Variants in LDLRAD4 observed in about 807,000 individuals in gnomAD.
The protein encoded by LDLRAD4 is low density lipoprotein receptor class A domain containing 4, also known as low-density lipoprotein receptor class A domain-containing protein 4.
LDLRAD4 carries 5 observed loss-of-function variants against 17.0 expected under a neutral mutation model. That is an observed-to-expected ratio of 0.29 (90% confidence interval 0.15 to 0.62). The LOEUF is 0.62. Ranked by LOEUF, LDLRAD4 falls within the 20% of genes least tolerant of loss-of-function variation. The probability of loss-of-function intolerance (pLI) is 0.84; values close to 1 mark genes in which losing one functional copy is unlikely to be tolerated. For synonymous variants in LDLRAD4, 168 were observed against 171.8 expected (o/e 0.98, Z 0.17); for missense variants, 340 against 424.7 (o/e 0.80, Z 1.75).
intron 3 of LDLRAD4, among the ~76,000 whole-genome samples, chr18:13,551,099 G>A (rs1170047665): frequency 1.3e-5 from 2 of 152,042 alleles, no homozygotes; most frequent in East Asian, 1.9e-4. Flanking sequence ...ACACCCCTAC[G>A]GCCAGTGCCA....
intron 3 of LDLRAD4, among the ~76,000 whole-genome samples, chr18:13,566,521 C>T (rs901100330): frequency 2.0e-5 from 3 of 152,074 alleles, no homozygotes; most frequent in Admixed American, 1.3e-4. Flanking sequence ...TGCCACCACG[C>T]CCGGCTGATC....
intron 3 of LDLRAD4, among the ~76,000 whole-genome samples, chr18:13,610,932 G>T (rs183326930): frequency 6.6e-6 from 1 of 152,148 alleles, no homozygotes; most frequent in African/African-American, 2.4e-5. Flanking sequence ...CATACCATCC[G>T]GATTTCCCTC....
chr18:13,537,086 C>T (rs983172723), intron 3 of LDLRAD4, among the ~76,000 whole-genome samples: 2 of 152,090 alleles, frequency 1.3e-5, no homozygotes, highest in Non-Finnish European at 2.9e-5. Flanking sequence ...GTTGTCTTCT[C>T]TTTCTTATGA....
At chr18:13,527,078 T>A (rs1250840162) in intron 3 of LDLRAD4, among the ~76,000 whole-genome samples, 1 of 152,248 alleles carries the variant, frequency 6.6e-6, no homozygotes, top group Non-Finnish European at 1.5e-5. Flanking sequence ...CGTTGGGCAG[T>A]GATGCTGACT....
intron 3 of LDLRAD4, among the ~76,000 whole-genome samples, chr18:13,514,154 GGGC>G (rs2093826749): frequency 6.6e-6 from 1 of 152,098 alleles, no homozygotes; most frequent in African/African-American, 2.4e-5. Flanking sequence ...TCCATAATAG[GGGC>G]CCACCCATTT....
chr18:13,448,965 C>G (rs928151887), intron 3 of LDLRAD4, among the ~76,000 whole-genome samples: 6 of 152,112 alleles, frequency 3.9e-5, no homozygotes, highest in African/African-American at 1.4e-4. Context: ...GAAAGAAACC[C>G]CAACAACCTA....
intron 3 of LDLRAD4, among the ~76,000 whole-genome samples, chr18:13,554,966 C>T (rs143144095): frequency 6.3e-4 from 96 of 152,260 alleles, no homozygotes; most frequent in African/African-American, 2.1e-3. Context: ...TATAATGTGC[C>T]GGAAGTGACA....
chr18:13,604,962 C>A (rs1207147208), intron 3 of LDLRAD4, among the ~76,000 whole-genome samples: 3 of 152,134 alleles, frequency 2.0e-5, no homozygotes, highest in Admixed American at 1.3e-4. Flanking sequence ...AGGGCCAGGA[C>A]CCTTCCTGGC....
chr18:13,558,611 C>T (rs764839610), intron 3 of LDLRAD4, among the ~76,000 whole-genome samples: 5 of 152,152 alleles, frequency 3.3e-5, no homozygotes, highest in Non-Finnish European at 7.3e-5. Context: ...ATGGCTCAGT[C>T]GTAAATGTTT....
At chr18:13,298,164 G>C (rs1203726126) in intron 1 of LDLRAD4, among the ~76,000 whole-genome samples, 1 of 152,338 alleles carries the variant, frequency 6.6e-6, no homozygotes, top group Middle Eastern at 3.4e-3. Flanking sequence ...ACAAGCTGGG[G>C]GTGGGGATCA....
intron 1 of LDLRAD4, among the ~76,000 whole-genome samples, chr18:13,238,168 G>C (rs908927542): frequency 2.0e-5 from 3 of 152,192 alleles, no homozygotes; most frequent in Admixed American, 6.5e-5. Context: ...CAAGTCTGGA[G>C]GGCATGAGAT....
chr18:13,521,071 A>G (rs1462256434), intron 3 of LDLRAD4: 1 of 152,232 alleles, frequency 6.6e-6, no homozygotes, highest in South Asian at 2.1e-4. Context: ...TTAATGAGTC[A>G]GTCTCCCTAC....
At chr18:13,620,959 C>G in intron 3 of LDLRAD4, 158 bp from the exon 5 acceptor site, 4 of 1,071,072 alleles carry the variant, frequency 3.7e-6, no homozygotes. Flanking sequence ...GTCTCCTTCC[C>G]TAAAGTGGGA....
intron 3 of LDLRAD4, among the ~76,000 whole-genome samples, chr18:13,458,821 C>T (rs1053067574): frequency 9.2e-5 from 14 of 152,336 alleles, no homozygotes; most frequent in African/African-American, 2.6e-4. Context: ...GTGAAAAGGA[C>T]TTGACTTGCC....
chr18:13,448,690 C>T (rs1206570009), intron 3 of LDLRAD4, among the ~76,000 whole-genome samples: 1 of 151,674 alleles, frequency 6.6e-6, no homozygotes, highest in African/African-American at 2.4e-5. Flanking sequence ...GGTGACGCAG[C>T]AGCTTGCCGT....
At chr18:13,489,865 G>A (rs567992222) in intron 3 of LDLRAD4, 21 of 152,300 alleles carry the variant, frequency 1.4e-4, no homozygotes, top group Admixed American at 1.4e-3. Context: ...AAGGGACATG[G>A]GTTAGAAGAA....
intron 1 of LDLRAD4, among the ~76,000 whole-genome samples, chr18:13,348,582 A>G (rs2082843740): frequency 6.6e-6 from 1 of 152,116 alleles, no homozygotes. Flanking sequence ...TGGGAGAACC[A>G]CTACTGTCTT....
intron 1 of LDLRAD4, among the ~76,000 whole-genome samples, chr18:13,330,031 C>T (rs993134140): frequency 3.3e-5 from 5 of 152,098 alleles, no homozygotes; most frequent in African/African-American, 1.2e-4. Flanking sequence ...TCTCCGCTCA[C>T]TGCAAACTCT....
intron 3 of LDLRAD4, among the ~76,000 whole-genome samples, chr18:13,503,159 A>C (rs2093639210): frequency 6.6e-6 from 1 of 152,238 alleles, no homozygotes; most frequent in Non-Finnish European, 1.5e-5. Context: ...CTGAAAGTGG[A>C]GATGGATACT....
Sources: allele counts gnomAD v4.1 joint callset (sites outside exome capture counted in the v4.1 genomes callset), GRCh38; gene constraint gnomAD v4.1.1; transcripts MANE v1.5; gene names NCBI Gene and HGNC (gene_info 2026-07-23, HGNC 2026-07-21).